Variants in AGBL4 observed in about 807,000 individuals in gnomAD.
AGBL4 encodes AGBL carboxypeptidase 4.
In AGBL4, 58 loss-of-function variants were observed where a neutral mutation model predicts 66.4. The ratio of observed to expected loss-of-function variants is 0.87; its 90% confidence interval spans 0.71 to 1.09. The LOEUF is 1.09. Ranked by LOEUF, AGBL4 falls within the 50% of genes least tolerant of loss-of-function variation. The pLI is 0.00. For missense variants in AGBL4, 579 were observed against 631.0 expected, an observed-to-expected ratio of 0.92 and a Z score of 0.88; for synonymous variants, 234 against 222.9, an observed-to-expected ratio of 1.05 and a Z score of -0.44.
intron 2 of AGBL4, among the ~76,000 whole-genome samples, chr1:49,829,162 A>T (rs1430091719): frequency 6.6e-6 from 1 of 152,156 alleles, no homozygotes; most frequent in African/African-American, 2.4e-5. Flanking sequence ...AAATTAATGG[A>T]TTCAGGATAT....
At chr1:49,325,699 A>G (rs577724440) in intron 3 of AGBL4, among the ~76,000 whole-genome samples, 2 of 152,354 alleles carry the variant, frequency 1.3e-5, no homozygotes, top group East Asian at 3.9e-4. Flanking sequence ...CTGTGTCTCC[A>G]CCAAATCTCA....
chr1:49,547,366 C>A (rs1449626972), intron 3 of AGBL4, among the ~76,000 whole-genome samples: 1 of 152,162 alleles, frequency 6.6e-6, no homozygotes, highest in Non-Finnish European at 1.5e-5. Context: ...GCCTATGTAC[C>A]TATTTTTATA....
intron 6 of AGBL4, among the ~76,000 whole-genome samples, chr1:48,694,429 G>A (rs545334306): frequency 5.9e-5 from 9 of 152,082 alleles, no homozygotes; most frequent in South Asian, 2.1e-4. Flanking sequence ...AAGTATTGCC[G>A]TTCTTGATCA....
intron 6 of AGBL4, among the ~76,000 whole-genome samples, chr1:48,844,095 A>G (rs777464448): frequency 6.6e-6 from 1 of 152,090 alleles, no homozygotes; most frequent in Non-Finnish European, 1.5e-5. Flanking sequence ...GGTCTTTGTC[A>G]GGTTGTCTAT....
chr1:48,988,599 C>G (rs1660363232), intron 5 of AGBL4, among the ~76,000 whole-genome samples: 1 of 152,156 alleles, frequency 6.6e-6, no homozygotes, highest in Admixed American at 6.5e-5. Context: ...AATGTTCCAC[C>G]TTTGCTACCA....
At chr1:49,870,183 GATT>G (rs1412208159) in intron 1 of AGBL4, among the ~76,000 whole-genome samples, 2 of 152,092 alleles carry the variant, frequency 1.3e-5, no homozygotes, top group African/African-American at 4.8e-5. Context: ...CAATTTTAAA[GATT>G]ATTAATGAAA....
chr1:49,791,620 C>A (rs1304853005), intron 2 of AGBL4, among the ~76,000 whole-genome samples: 1 of 151,998 alleles, frequency 6.6e-6, no homozygotes, highest in African/African-American at 2.4e-5. Flanking sequence ...TAATGAACCT[C>A]TTTTCAGTTC....
At chr1:49,573,455 G>A (rs945927687) in intron 3 of AGBL4, among the ~76,000 whole-genome samples, 1 of 151,944 alleles carries the variant, frequency 6.6e-6, no homozygotes, top group Non-Finnish European at 1.5e-5. Context: ...TTTGTGAGAG[G>A]CAAGGAGTTT....
intron 4 of AGBL4, among the ~76,000 whole-genome samples, chr1:49,193,760 C>T (rs1213198559): frequency 6.6e-6 from 1 of 152,020 alleles, no homozygotes; most frequent in Non-Finnish European, 1.5e-5. Flanking sequence ...GTCTCAATCT[C>T]CTGACCTCGT....
chr1:48,967,016 G>A (rs1027746057), intron 5 of AGBL4, among the ~76,000 whole-genome samples: 1 of 149,616 alleles, frequency 6.7e-6, no homozygotes, highest in Non-Finnish European at 1.5e-5. Context: ...TGTAGTGTTC[G>A]GTTTACATTT....
chr1:49,776,100 C>T (rs1479976768), intron 2 of AGBL4, among the ~76,000 whole-genome samples: 3 of 151,932 alleles, frequency 2.0e-5, no homozygotes, highest in African/African-American at 7.3e-5. Context: ...ATAGAGTATA[C>T]GTATTGTAGC....
intron 3 of AGBL4, among the ~76,000 whole-genome samples, chr1:49,576,222 T>C (rs1644433578): frequency 6.6e-6 from 1 of 152,224 alleles, no homozygotes; most frequent in Admixed American, 6.5e-5. Flanking sequence ...GGTTTGTTAC[T>C]CTGCCCCATT....
At chr1:48,870,784 C>T (rs5017079) in intron 5 of AGBL4, among the ~76,000 whole-genome samples, 25,653 of 152,166 alleles carry the variant, frequency 0.17, 2,730 homozygotes, top group East Asian at 0.42. Context: ...CGATCACTGA[C>T]ATATGTGTGC....
intron 3 of AGBL4, among the ~76,000 whole-genome samples, chr1:49,461,095 ACAAATATCC>A (rs1406181065): frequency 6.6e-6 from 1 of 151,660 alleles, no homozygotes; most frequent in African/African-American, 2.4e-5. Context: ...TGTTTTTGCA[ACAAATATCC>A]CAGGTGTTCT....
intron 3 of AGBL4, among the ~76,000 whole-genome samples, chr1:49,642,084 TTC>T (rs1645792420): frequency 6.6e-6 from 1 of 151,928 alleles, no homozygotes; most frequent in African/African-American, 2.4e-5. Context: ...GAGTAATATT[TTC>T]CTTGTAATAT....
intron 9 of AGBL4, among the ~76,000 whole-genome samples, chr1:48,608,784 C>G (rs934832252): frequency 6.6e-6 from 1 of 151,946 alleles, no homozygotes; most frequent in Non-Finnish European, 1.5e-5. Context: ...CCAGATATAG[C>G]ATGATATCCA....
chr1:49,247,181 G>C (rs1651713728), intron 3 of AGBL4, among the ~76,000 whole-genome samples: 1 of 151,922 alleles, frequency 6.6e-6, no homozygotes, highest in Non-Finnish European at 1.5e-5. Flanking sequence ...CCCTAAACAA[G>C]TCTATTTTCC....
rs563438080 is a variant in AGBL4, at chr1:49,210,976, G to A, written c.377+34794C>T. Among the ~76,000 whole-genome samples the A allele has an allele frequency of 9.0e-4, 137 of 151,986 alleles. 1 individual carries two copies. Among genetic ancestry groups the A allele is most frequent in the African/African-American group, 3.2e-3 (133 of 41,480 alleles). ...GCAGCATAATATCCTTTTCCTTCCT[G>A]ATGTTGCCCTCTCCTCTTTAGAAAA... On this transcript the variant is annotated intron_variant, in intron 4 of 13. Coordinates refer to ENST00000371839, the MANE Select transcript of AGBL4 (RefSeq NM_032785.4).
At chr1:50,008,511 C>G (rs933701497) in intron 1 of AGBL4, among the ~76,000 whole-genome samples, 1 of 151,896 alleles carries the variant, frequency 6.6e-6, no homozygotes, top group Non-Finnish European at 1.5e-5. Flanking sequence ...GGATATGGCA[C>G]TAGCAGTACT....
Sources: gnomAD v4.1 joint callset for allele counts (sites outside exome capture counted in the v4.1 genomes callset) on GRCh38, gnomAD v4.1.1 for gene constraint, MANE v1.5 for transcripts, NCBI Gene and HGNC (gene_info 2026-07-23, HGNC 2026-07-21) for gene names.